The following NBEA variants were observed in gnomAD, a reference collection of about 807,000 sequenced individuals.
NBEA encodes neurobeachin.
Under a neutral mutation model 343.4 loss-of-function variants are expected in NBEA, and 44 were observed. The observed-to-expected ratio is 0.13, with a 90% CI of 0.10 to 0.16. NBEA has a LOEUF of 0.16. Among genes scored for constraint, NBEA ranks in the 10% least tolerant of loss-of-function variants. The probability of loss-of-function intolerance (pLI) is 1.00; values close to 1 mark genes in which losing one functional copy is unlikely to be tolerated. For missense variants in NBEA, 2,555 were observed against 3,631.3 expected (o/e 0.70, Z 7.62); for synonymous variants, 1,175 against 1,238.7 (o/e 0.95, Z 1.08).
intron 11 of NBEA, among the ~76,000 whole-genome samples, chr13:35,107,281 C>A (rs190497991): frequency 6.6e-6 from 1 of 151,780 alleles, no homozygotes; most frequent in African/African-American, 2.4e-5. Context: ...TTGGTTCCCC[C>A]CCCTTTATTA....
chr13:35,195,865 A>C lies in NBEA; in HGVS notation c.4929A>C (p.Glu1643Asp). 6.4e-7 allele frequency: 1 copy of C among 1,572,438 alleles called. No individual in the cohort carries two copies. The change falls in exon 31 of 59, where the codon GAA (glutamate) becomes GAC (aspartate). Residue 1643 changes from glutamate to aspartate, a missense_variant and splice_region_variant. Glu to Asp is a conservative substitution (Grantham distance 45). Around this residue, in one of 21 missense-constraint regions of NBEA, gnomAD observed 270 missense variants for 293.3 expected, o/e 0.92. Coordinates refer to ENST00000379939, the MANE Select transcript of NBEA (RefSeq NM_001385012.1). ...CTAACCTAGTTTCTTTCATTACAGA[A>C]ACACCTGCTGCATTTCCAGACACCA... ...EQSFGHSFYK[E>D]TPAAFPDTIK...
chr13:35,449,904 A>G (rs1056590182), intron 39 of NBEA, among the ~76,000 whole-genome samples: 6 of 152,190 alleles, frequency 3.9e-5, no homozygotes, highest in African/African-American at 1.2e-4. Flanking sequence ...TAAGGTACGC[A>G]TTAACCATGT....
At chr13:35,225,307 T>C (rs1469117837) in intron 33 of NBEA, among the ~76,000 whole-genome samples, 1 of 152,050 alleles carries the variant, frequency 6.6e-6, no homozygotes, top group Non-Finnish European at 1.5e-5. Flanking sequence ...ACGTTTCCCT[T>C]CCCCTCCCTC....
In NBEA at chr13:35,453,244, T is replaced by A. The variant is rs545215946; in HGVS notation, c.6448+1009T>A. Among the ~76,000 whole-genome samples the A allele has an allele frequency of 2.0e-5, 3 of 152,354 alleles. No individual in the cohort carries two copies. In the East Asian group the frequency reaches 5.8e-4, roughly 29 times the overall value. The stretch of plus-strand genomic sequence containing the variant: ...TTAATTATAAACTGGAGATAGCACA[T>A]TATTCTCCCTTTTCTAGATTAAGAA... On this transcript the variant is annotated intron_variant, in intron 40 of 58. Coordinates refer to ENST00000379939, the MANE Select transcript of NBEA (RefSeq NM_001385012.1).
At chr13:35,577,223 T>C (rs541405134) in intron 45 of NBEA, among the ~76,000 whole-genome samples, 4 of 152,288 alleles carry the variant, frequency 2.6e-5, no homozygotes, top group African/African-American at 9.6e-5. Flanking sequence ...GCTGCAGTCA[T>C]AGTGCCAATG....
intron 39 of NBEA, among the ~76,000 whole-genome samples, chr13:35,436,608 G>A (rs1226346562): frequency 6.6e-6 from 1 of 151,912 alleles, no homozygotes; most frequent in African/African-American, 2.4e-5. Context: ...TACTCGGGAG[G>A]CTGAGGCAGG....
chr13:34,943,012 G>A lies in NBEA; in HGVS notation c.192G>A (p.Ser64=). ...VMLPAGMINP[S]VPIRNIRMKF... ...TCCCCGCGGGGATGATTAACCCTTC[G>A]GTGCCGATCCGCAACATCCGGATGA... The change falls in exon 1 of 59, where the codon TCG becomes TCA. Residue 64 remains serine, a synonymous_variant. Transcript: ENST00000379939. The A allele has an allele frequency of 6.2e-7, 1 of 1,612,558 alleles. No individual in the cohort carries two copies. Among genetic ancestry groups the A allele is most frequent in the Non-Finnish European group, 8.5e-7 (1 of 1,179,350 alleles).
intron 1 of NBEA, among the ~76,000 whole-genome samples, chr13:35,023,780 A>G (rs917566794): frequency 6.6e-6 from 1 of 152,204 alleles, no homozygotes; most frequent in Non-Finnish European, 1.5e-5. Flanking sequence ...CATGAATGCT[A>G]TTAAGAAATT....
chr13:35,101,577 GT>G (rs944042070), intron 11 of NBEA, among the ~76,000 whole-genome samples: 10 of 150,602 alleles, frequency 6.6e-5, no homozygotes, highest in Admixed American at 3.3e-4. Context: ...ATTTGTAGGA[GT>G]TTTTTTTTAA....
intron 38 of NBEA, among the ~76,000 whole-genome samples, chr13:35,368,770 G>C (rs2041266003): frequency 6.6e-6 from 1 of 151,658 alleles, no homozygotes; most frequent in African/African-American, 2.4e-5. Flanking sequence ...GTAGGTGTTA[G>C]TTATTATTAT....
At chr13:35,145,619 T>C (rs917769881) in intron 18 of NBEA, among the ~76,000 whole-genome samples, 1 of 152,180 alleles carries the variant, frequency 6.6e-6, no homozygotes, top group South Asian at 2.1e-4. Flanking sequence ...ACAGCCCAGG[T>C]ATACTGCCAG....
At chr13:35,151,731 G>A (rs2068803510) in intron 18 of NBEA, among the ~76,000 whole-genome samples, 1 of 151,980 alleles carries the variant, frequency 6.6e-6, no homozygotes, top group South Asian at 2.1e-4. Context: ...ACTAAGAAGT[G>A]AGTTAACTTT....
intron 41 of NBEA, among the ~76,000 whole-genome samples, chr13:35,533,096 T>C (rs994783875): frequency 6.6e-6 from 1 of 152,148 alleles, no homozygotes; most frequent in African/African-American, 2.4e-5. Flanking sequence ...GTTTTATTAT[T>C]TGTGCGCCCA....
chr13:35,563,428 G>A (rs963023165), intron 44 of NBEA, among the ~76,000 whole-genome samples: 6 of 151,716 alleles, frequency 4.0e-5, no homozygotes, highest in Non-Finnish European at 4.4e-5. Context: ...AATTAAAGGA[G>A]TAATACTAAT....
At chr13:35,036,071 T>C (rs2062431657) in intron 1 of NBEA, among the ~76,000 whole-genome samples, 1 of 151,970 alleles carries the variant, frequency 6.6e-6, no homozygotes, top group African/African-American at 2.4e-5. Context: ...TCTGGTTGTT[T>C]TGTGGTCTTC....
At chr13:35,458,135 T>C (rs923677862) in intron 40 of NBEA, among the ~76,000 whole-genome samples, 9 of 152,234 alleles carry the variant, frequency 5.9e-5, no homozygotes, top group African/African-American at 2.2e-4. Context: ...GTTTAACTTT[T>C]AGACTATTTA....
At chr13:35,383,130 A>C (rs2042089579) in intron 38 of NBEA, among the ~76,000 whole-genome samples, 1 of 152,160 alleles carries the variant, frequency 6.6e-6, no homozygotes, top group South Asian at 2.1e-4. Context: ...GAATTCATGG[A>C]AGAGAAATTT....
chr13:35,041,022 T>C lies in NBEA; in HGVS notation c.384T>C (p.Cys128=). The change falls in exon 2 of 59, where the codon TGT becomes TGC. Residue 128 remains cysteine, a synonymous_variant. Coordinates refer to ENST00000379939, the MANE Select transcript of NBEA (RefSeq NM_001385012.1). ...ITCMTELLEH[C]DVTCQAEIWS... ...GTATGACAGAGCTTTTGGAGCACTG[T>C]GATGTAACATGTCAAGCAGAAATAT... 6.2e-7 allele frequency: 1 copy of C among 1,613,216 alleles called. No homozygotes were observed. Among genetic ancestry groups the C allele is most frequent in the South Asian group, 1.1e-5 (1 of 91,062 alleles).
chr13:35,570,251 G>T (rs1036039489), intron 45 of NBEA, among the ~76,000 whole-genome samples: 3 of 152,124 alleles, frequency 2.0e-5, no homozygotes, highest in Admixed American at 1.3e-4. Context: ...GGCCAGGCTC[G>T]TCTTGAACTC....
Sources: gnomAD v4.1 joint callset for allele counts (sites outside exome capture counted in the v4.1 genomes callset) on GRCh38, gnomAD v4.1.1 for gene constraint, gnomAD v4.1.1 regional missense constraint, MANE v1.5 for transcripts, NCBI Gene and HGNC (gene_info 2026-07-23, HGNC 2026-07-21) for gene names.